Variants in CSGALNACT1 observed in about 807,000 individuals in gnomAD.
CSGALNACT1 encodes the protein chondroitin sulfate N-acetylgalactosaminyltransferase 1.
A neutral mutation model predicts 51.0 loss-of-function variants in CSGALNACT1; 52 were observed. That is an observed-to-expected ratio of 1.02 (90% CI 0.82 to 1.29). The LOEUF is 1.29. CSGALNACT1 is among the 50% of genes most tolerant of loss of function. CSGALNACT1 has a pLI of 0.00. For missense variants in CSGALNACT1, 935 were observed against 679.2 expected (o/e 1.38, Z -4.19); for synonymous variants, 341 against 254.4 (o/e 1.34, Z -3.24).
chr8:19,610,060 A>G (rs1346188792), intron 1 of CSGALNACT1, among the ~76,000 whole-genome samples: 1 of 151,850 alleles, frequency 6.6e-6, no homozygotes, highest in Non-Finnish European at 1.5e-5. Context: ...CGTCTCTACT[A>G]AAAATACAAA....
intron 1 of CSGALNACT1, among the ~76,000 whole-genome samples, chr8:19,697,772 T>C (rs1237685271): frequency 1.3e-5 from 2 of 152,022 alleles, no homozygotes; most frequent in African/African-American, 4.8e-5. Flanking sequence ...AACAGGACTC[T>C]GGAGTTCAGA....
At chr8:19,439,737 G>T in intron 6 of CSGALNACT1, 93 bp downstream of exon 5, 1 of 989,616 alleles carries the variant, frequency 1.0e-6, no homozygotes, top group South Asian at 1.3e-5. Flanking sequence ...ACAGTGTAAA[G>T]GAAAATAAAA....
intron 3 of CSGALNACT1, among the ~76,000 whole-genome samples, chr8:19,554,073 G>A (rs2089023761): frequency 6.6e-6 from 1 of 150,424 alleles, no homozygotes; most frequent in South Asian, 2.1e-4. Context: ...AAAAATGAGA[G>A]AAAATTAGTA....
In CSGALNACT1 at chr8:19,505,187, C is replaced by A. The variant is rs373952817; in HGVS notation, c.634+14G>T. On this transcript the variant is annotated intron_variant, in intron 4 of 9. Coordinates refer to ENST00000454498, the Ensembl canonical transcript of CSGALNACT1. ...CTTTTCTTCTCCTTTCCCCCCAATT[C>A]ACAAAATGCTAACCTTCTATGAAAT... 5.6e-6 allele frequency: 9 copies of A among 1,614,006 alleles called. No homozygotes were observed. The highest frequency in any genetic ancestry group is 7.6e-6 in the Non-Finnish European group (9 of 1,180,000).
intron 1 of CSGALNACT1, among the ~76,000 whole-genome samples, chr8:19,660,909 G>GTTTGT (rs1385186145): frequency 2.5e-4 from 38 of 152,082 alleles, no homozygotes; most frequent in African/African-American, 8.4e-4. Flanking sequence ...AGGTTTGTTT[G>GTTTGT]TTTGTTTTGT....
At chr8:19,690,206 T>A (rs68185222) in intron 1 of CSGALNACT1, among the ~76,000 whole-genome samples, 5,000 of 152,320 alleles carry the variant, frequency 0.033, 155 homozygotes, top group Non-Finnish European at 0.046. Context: ...TGAATACTTT[T>A]CAAATCAATT....
intron 1 of CSGALNACT1, among the ~76,000 whole-genome samples, chr8:19,673,598 G>A (rs1306153612): frequency 3.9e-5 from 6 of 152,148 alleles, no homozygotes; most frequent in Non-Finnish European, 8.8e-5. Flanking sequence ...TCGCTATCCT[G>A]AGAAATGATC....
chr8:19,580,192 A>G (rs1232876246), intron 3 of CSGALNACT1, among the ~76,000 whole-genome samples: 3 of 152,250 alleles, frequency 2.0e-5, no homozygotes, highest in Non-Finnish European at 4.4e-5. Context: ...CTTCCAATGC[A>G]GCCAGAATGT....
intron 3 of CSGALNACT1, among the ~76,000 whole-genome samples, chr8:19,586,045 G>A (rs1038670783): frequency 4.6e-5 from 7 of 152,058 alleles, no homozygotes; most frequent in African/African-American, 1.4e-4. Flanking sequence ...TTCCCTCTAG[G>A]AAACATGCTT....
intron 6 of CSGALNACT1, among the ~76,000 whole-genome samples, chr8:19,435,574 C>A (rs994352042): frequency 1.3e-5 from 2 of 152,066 alleles, no homozygotes; most frequent in Non-Finnish European, 2.9e-5. Context: ...CATGAACCAC[C>A]CACATCAGCA....
chr8:19,675,668 A>G (rs2060123566), intron 1 of CSGALNACT1, among the ~76,000 whole-genome samples: 1 of 151,992 alleles, frequency 6.6e-6, no homozygotes, highest in Non-Finnish European at 1.5e-5. Flanking sequence ...AATTTTTTTA[A>G]TTTTTAGTAG....
In CSGALNACT1 at chr8:19,481,712, C is replaced by A. The variant is rs35776249; in HGVS notation, c.635-23070G>T. 1.5e-3 allele frequency among the ~76,000 whole-genome samples: 224 copies of A among 152,196 alleles called. 1 individual carries two copies. Among genetic ancestry groups the A allele is most frequent in the Non-Finnish European group, 1.8e-3 (124 of 68,016 alleles). ...TGCCTCCCTCTCTGGCTTTTCTACC[C>A]GGGCCATAGAAAAAAGTGCTGAGCT... On this transcript the variant is annotated intron_variant, in intron 4 of 9. Coordinates refer to ENST00000454498, the Ensembl canonical transcript of CSGALNACT1.
chr8:19,555,663 C>G lies in CSGALNACT1; in HGVS notation c.-297+35497G>C, dbSNP rs762398242. 5.9e-5 allele frequency among the ~76,000 whole-genome samples: 9 copies of G among 152,328 alleles called. No homozygotes were observed. In the Middle Eastern group the frequency reaches 0.014, roughly 230 times the overall value. ...TTACAATGCTGTTTATTGCTCCCAACTATACATCTTCAGACTTCACTTAGC... is the reference window on the plus strand; with the variant it reads ...TTACAATGCTGTTTATTGCTCCCAAGTATACATCTTCAGACTTCACTTAGC... On this transcript the variant is annotated intron_variant, in intron 3 of 9. Coordinates refer to ENST00000454498, the Ensembl canonical transcript of CSGALNACT1.
Position 19,406,015 on chromosome 8 carries a change from C to G in CSGALNACT1, c.1364G>C (p.Arg455Pro), listed in dbSNP as rs148967858. 2.5e-6 allele frequency: 4 copies of G among 1,614,194 alleles called. No individual in the cohort carries two copies. The highest frequency in any genetic ancestry group is 4.5e-5 in the East Asian group (2 of 44,872). Residue 455 changes from arginine to proline, a missense_variant, in exon 10 of 10, where the codon CGC (arginine) becomes CCC (proline). Transcript: ENST00000454498. ...TATGAGGTTGCTGTGGAGATACTTG[C>G]GATAAAGGTGCACATCCTCTCCGCC...
intron 9 of CSGALNACT1, among the ~76,000 whole-genome samples, chr8:19,406,644 A>G (rs1168764702): frequency 6.7e-6 from 1 of 149,554 alleles, no homozygotes; most frequent in Non-Finnish European, 1.5e-5. Context: ...AAAAAAAAAA[A>G]AAAAAAGAGC....
At chr8:19,485,759 CTTTTT>C (rs386412239) in intron 4 of CSGALNACT1, among the ~76,000 whole-genome samples, 108 of 38,532 alleles carry the variant, frequency 2.8e-3, no homozygotes, top group African/African-American at 9.2e-3. Flanking sequence ...CCTCAGCTTG[CTTTTT>C]TTTTTTTTTT....
chr8:19,687,965 C>G (rs2061070192), intron 1 of CSGALNACT1, among the ~76,000 whole-genome samples: 1 of 152,208 alleles, frequency 6.6e-6, no homozygotes, highest in South Asian at 2.1e-4. Context: ...GACAAATAAT[C>G]AGTTTCTTAC....
Position 19,541,246 on chromosome 8 carries a change from A to ATTT in CSGALNACT1, c.-296-35119_-296-35117dup, listed in dbSNP as rs34749639. 6.3e-3 allele frequency among the ~76,000 whole-genome samples: 703 copies of ATTT among 111,274 alleles called. 15 individuals carry two copies. Among genetic ancestry groups the ATTT allele is most frequent in the African/African-American group, 0.024 (642 of 27,304 alleles). The allele number at this position is 111,274 out of a possible 152,430, so 73.0% of individuals were successfully genotyped here. A position where few individuals can be genotyped will look rare whatever the true frequency, so the allele number is the denominator to read the frequency against. ...AGGCACATGCCACCAAACTTGGCTA[A>ATTT]TTTTTTTTTTTTTTTTTTTTTTGAG... On this transcript the variant is annotated intron_variant, in intron 3 of 9. Transcript: ENST00000454498.
At chr8:19,505,740 A>C (rs1157724852) in exon 4 of CSGALNACT1, 1 of 1,614,194 alleles carries the variant, frequency 6.2e-7, no homozygotes, top group Non-Finnish European at 8.5e-7. Context: ...GGTGCAGGCC[A>C]ACATGTACAG....
Sources: allele counts gnomAD v4.1 joint callset (sites outside exome capture counted in the v4.1 genomes callset), GRCh38; gene constraint gnomAD v4.1.1; transcripts MANE v1.5; gene names NCBI Gene and HGNC (gene_info 2026-07-23, HGNC 2026-07-21).